TMEM132B: variants seen among roughly 807,000 people sequenced by gnomAD.
TMEM132B encodes transmembrane protein 132B.
TMEM132B carries 18 observed loss-of-function variants against 90.8 expected under a neutral mutation model. The observed-to-expected ratio is 0.20, with a 90% CI of 0.14 to 0.29. The LOEUF (loss-of-function observed/expected upper bound fraction) is 0.29. Among genes scored for constraint, TMEM132B ranks in the 10% least tolerant of loss-of-function variants. The probability of loss-of-function intolerance (pLI) is 1.00; values close to 1 mark genes in which losing one functional copy is unlikely to be tolerated. For missense variants in TMEM132B, 1,096 were observed against 1,326.8 expected (o/e 0.83, Z 2.70); for synonymous variants, 504 against 523.3 (o/e 0.96, Z 0.50).
chr12:125,465,065 A>G (rs1881529167), intron 3 of TMEM132B, among the ~76,000 whole-genome samples: 1 of 152,184 alleles, frequency 6.6e-6, no homozygotes, highest in Non-Finnish European at 1.5e-5. Context: ...AGGTATGATA[A>G]TTGTGTTTTG....
chr12:125,194,291 T>C (rs1213492817), intron 1 of TMEM132B, among the ~76,000 whole-genome samples: 1 of 151,942 alleles, frequency 6.6e-6, no homozygotes, highest in Non-Finnish European at 1.5e-5. Flanking sequence ...TTACTCATTG[T>C]GGCCACGCCT....
intron 1 of TMEM132B, among the ~76,000 whole-genome samples, chr12:125,222,785 C>G (rs556944965): frequency 6.6e-6 from 1 of 152,312 alleles, no homozygotes; most frequent in South Asian, 2.1e-4. Context: ...GTAGTACCAC[C>G]CACCCTGCAG....
At chr12:125,648,417 G>A (rs1275145788) in intron 6 of TMEM132B, among the ~76,000 whole-genome samples, 1 of 151,934 alleles carries the variant, frequency 6.6e-6, no homozygotes, top group African/African-American at 2.4e-5. Context: ...AGTTATGCTT[G>A]TATGTTAATA....
At chr12:125,446,541 A>G (rs1468771280) in intron 3 of TMEM132B, among the ~76,000 whole-genome samples, 1 of 152,218 alleles carries the variant, frequency 6.6e-6, no homozygotes, top group East Asian at 1.9e-4. Flanking sequence ...GAAGACCTTT[A>G]GTCTCTTCTA....
Position 125,654,524 on chromosome 12 carries a change from G to C in TMEM132B, c.3066G>C (p.Ser1022=), listed in dbSNP as rs780319557. ...TTAAAAATGAACCTATGAATTCTTC[G>C]GGCCCAAAGAGGAAGAGAGTCAAGT... ...KEIKNEPMNS[S]GPKRKRVKFT... The change falls in exon 9 of 9, where the codon TCG becomes TCC. Residue 1022 remains serine, a synonymous_variant. Transcript: ENST00000682704. The surrounding 1 kb of genome is among the most constrained non-coding windows in gnomAD (Gnocchi z 5.8). The C allele has an allele frequency of 4.3e-6, 7 of 1,613,820 alleles. No homozygotes were observed. In the East Asian group the frequency reaches 1.6e-4, roughly 36 times the overall value.
At chr12:125,441,343 T>A (rs1880863767) in intron 3 of TMEM132B, among the ~76,000 whole-genome samples, 1 of 152,168 alleles carries the variant, frequency 6.6e-6, no homozygotes, top group Non-Finnish European at 1.5e-5. Flanking sequence ...TTCTATATGA[T>A]TAATATGCAA....
intron 1 of TMEM132B, among the ~76,000 whole-genome samples, chr12:125,255,373 T>TG (rs1874415796): frequency 6.6e-6 from 1 of 152,286 alleles, no homozygotes; most frequent in East Asian, 1.9e-4. Context: ...GAGCCACAGT[T>TG]GCCCACGGGG....
rs143629709 is a variant in TMEM132B, at chr12:125,582,372, C to T, written c.1294-1479C>T. ...ACAATCAAGTTTGGAATAGAGAGTGCGGGGCCGACTATAGAATCCACATAG... is the reference window on the plus strand; with the variant it reads ...ACAATCAAGTTTGGAATAGAGAGTGTGGGGCCGACTATAGAATCCACATAG... On this transcript the variant is annotated intron_variant, in intron 4 of 8. Coordinates refer to ENST00000682704, the MANE Select transcript of TMEM132B (RefSeq NM_001366854.1). 6.9e-4 allele frequency among the ~76,000 whole-genome samples: 105 copies of T among 151,880 alleles called. 1 individual carries two copies. Among genetic ancestry groups the T allele is most frequent in the Middle Eastern group, 3.4e-3 (1 of 290 alleles).
intron 5 of TMEM132B, among the ~76,000 whole-genome samples, chr12:125,633,778 G>GTC (rs373859230): frequency 2.0e-5 from 3 of 151,526 alleles, no homozygotes; most frequent in Admixed American, 6.6e-5. Flanking sequence ...AACAAATGGA[G>GTC]TCTCTCTCTC....
At chr12:125,334,769 G>A (rs981826037) in intron 1 of TMEM132B, among the ~76,000 whole-genome samples, 2 of 152,236 alleles carry the variant, frequency 1.3e-5, no homozygotes, top group African/African-American at 4.8e-5. Context: ...CAGCAGACAA[G>A]CATATTGCAC....
intron 2 of TMEM132B, among the ~76,000 whole-genome samples, chr12:125,413,937 T>C (rs1879932884): frequency 6.6e-6 from 1 of 152,236 alleles, no homozygotes; most frequent in Non-Finnish European, 1.5e-5. Flanking sequence ...ACAGTGGTTG[T>C]ACCACTTTAC....
chr12:125,535,801 T>C (rs1181879385), intron 4 of TMEM132B, among the ~76,000 whole-genome samples: 1 of 152,166 alleles, frequency 6.6e-6, no homozygotes, highest in African/African-American at 2.4e-5. Context: ...GCACAGGTGA[T>C]GGTTGTAAGG....
At chr12:125,325,454 T>G (rs1876533758) in intron 1 of TMEM132B, among the ~76,000 whole-genome samples, 1 of 152,204 alleles carries the variant, frequency 6.6e-6, no homozygotes, top group South Asian at 2.1e-4. Context: ...GAGAAGTGAT[T>G]AGCAATTAAT....
At chr12:125,447,342 C>A (rs893778344) in intron 3 of TMEM132B, among the ~76,000 whole-genome samples, 1 of 151,954 alleles carries the variant, frequency 6.6e-6, no homozygotes, top group East Asian at 1.9e-4. Context: ...TTCTCATTAG[C>A]TTCAAAGTTA....
At chr12:125,598,411 G>A (rs78302182) in intron 5 of TMEM132B, among the ~76,000 whole-genome samples, 318 of 152,204 alleles carry the variant, frequency 2.1e-3, no homozygotes, top group African/African-American at 7.2e-3. Context: ...TGAGACAATC[G>A]AGGCAGCAAC....
intron 1 of TMEM132B, among the ~76,000 whole-genome samples, chr12:125,241,835 A>G (rs1043475583): frequency 1.3e-5 from 2 of 152,134 alleles, no homozygotes; most frequent in Non-Finnish European, 2.9e-5. Flanking sequence ...TTGATGACCA[A>G]TGTGTATAAG....
chr12:125,547,425 T>C (rs1342288672), intron 4 of TMEM132B, among the ~76,000 whole-genome samples: 2 of 152,258 alleles, frequency 1.3e-5, no homozygotes, highest in East Asian at 3.8e-4. Flanking sequence ...GCTTTTGGGC[T>C]ATTTGTGTGT....
At chr12:125,430,834 A>T (rs1356620401) in intron 3 of TMEM132B, among the ~76,000 whole-genome samples, 4 of 152,182 alleles carry the variant, frequency 2.6e-5, no homozygotes, top group African/African-American at 9.7e-5. Context: ...AACAAGAAAA[A>T]TAAGGCAGGT....
At chr12:125,623,144 G>A (rs1002035602) in intron 5 of TMEM132B, among the ~76,000 whole-genome samples, 4 of 152,094 alleles carry the variant, frequency 2.6e-5, no homozygotes, top group Middle Eastern at 3.2e-3. Context: ...GATCATCAAC[G>A]CCCAATCCCT....
Sources: allele counts gnomAD v4.1 joint callset (sites outside exome capture counted in the v4.1 genomes callset), GRCh38; gene constraint gnomAD v4.1.1; non-coding constraint Gnocchi (gnomAD v3.1); transcripts MANE v1.5; gene names NCBI Gene and HGNC (gene_info 2026-07-23, HGNC 2026-07-21).